Variants in CNTNAP2 observed in about 807,000 individuals in gnomAD.
CNTNAP2 encodes contactin associated protein 2.
In CNTNAP2, 98 loss-of-function variants were observed where a neutral mutation model predicts 155.2. The observed-to-expected ratio is 0.63, with a 90% CI of 0.54 to 0.75. The LOEUF is 0.75. Among genes scored for constraint, CNTNAP2 ranks in the 30% least tolerant of loss-of-function variants. The pLI is 0.00. For missense variants in CNTNAP2, 1,727 were observed against 1,688.1 expected (o/e 1.02, Z -0.40); for synonymous variants, 651 against 631.2 (o/e 1.03, Z -0.47).
intron 13 of CNTNAP2, among the ~76,000 whole-genome samples, chr7:147,863,721 A>G (rs1799174426): frequency 6.6e-6 from 1 of 151,734 alleles, no homozygotes. Context: ...GGCTGCAGAA[A>G]TATCTTGTTT....
At chr7:146,491,497 A>G (rs1286771593) in intron 1 of CNTNAP2, among the ~76,000 whole-genome samples, 1 of 151,990 alleles carries the variant, frequency 6.6e-6, no homozygotes. Flanking sequence ...GCGTTTTGGA[A>G]TTATTATCTG....
At chr7:147,387,537 C>T (rs1252986248) in intron 9 of CNTNAP2, among the ~76,000 whole-genome samples, 4 of 152,098 alleles carry the variant, frequency 2.6e-5, no homozygotes, top group Non-Finnish European at 5.9e-5. Flanking sequence ...TGCCTGGTTT[C>T]TCCAATGTAA....
At chr7:146,370,160 C>T (rs2129102570) in intron 1 of CNTNAP2, among the ~76,000 whole-genome samples, 2 of 147,564 alleles carry the variant, frequency 1.4e-5, no homozygotes, top group South Asian at 4.2e-4. Flanking sequence ...TGGCTTACGA[C>T]TGTAATCCCA....
intron 1 of CNTNAP2, among the ~76,000 whole-genome samples, chr7:146,486,928 C>T (rs899616455): frequency 6.6e-6 from 1 of 152,178 alleles, no homozygotes; most frequent in African/African-American, 2.4e-5. Context: ...TCTTTTCCAG[C>T]TGTACTGTAA....
intron 1 of CNTNAP2, among the ~76,000 whole-genome samples, chr7:146,330,822 A>G (rs1801172730): frequency 6.6e-6 from 1 of 152,206 alleles, no homozygotes; most frequent in Non-Finnish European, 1.5e-5. Context: ...TATTGGCAGT[A>G]TGTGCTAGTA....
At chr7:146,756,383 CATT>C (rs796365296) in intron 1 of CNTNAP2, among the ~76,000 whole-genome samples, 27 of 152,084 alleles carry the variant, frequency 1.8e-4, no homozygotes, top group African/African-American at 6.3e-4. Flanking sequence ...TGCTTGATAA[CATT>C]ATCTTCTGGG....
chr7:146,748,237 C>T (rs1357342082), intron 1 of CNTNAP2, among the ~76,000 whole-genome samples: 2 of 147,884 alleles, frequency 1.4e-5, no homozygotes, highest in Non-Finnish European at 1.5e-5. Context: ...GCTCTGCTTC[C>T]CGGGTTCACG....
At position 146,857,733 on chromosome 7, in the gene CNTNAP2, A is replaced by C. The variant is rs535578663; in HGVS notation, c.402+17829A>C. On this transcript the variant is annotated intron_variant, in intron 3 of 23. Transcript: ENST00000361727. Reference sequence around the variant, plus strand: ...TGGAATATAAGAAAAAAGACACACCAATCTATCAATAGACAGTGTTATCTA... The same window carrying C: ...TGGAATATAAGAAAAAAGACACACCCATCTATCAATAGACAGTGTTATCTA... Among the ~76,000 whole-genome samples the C allele has an allele frequency of 2.4e-4, 36 of 152,308 alleles. No individual in the cohort carries two copies. The South Asian group carries it at 7.5e-3, about 32-fold the overall frequency.
At chr7:148,283,587 G>A (rs2116466916) in intron 21 of CNTNAP2, among the ~76,000 whole-genome samples, 1 of 152,210 alleles carries the variant, frequency 6.6e-6, no homozygotes, top group South Asian at 2.1e-4. Context: ...TGATGCCCTT[G>A]CCTTCTAGTT....
intron 1 of CNTNAP2, among the ~76,000 whole-genome samples, chr7:146,756,238 GA>G (rs1021060233): frequency 6.3e-4 from 96 of 151,638 alleles, no homozygotes; most frequent in African/African-American, 1.4e-3. Flanking sequence ...ATAAAAACAT[GA>G]AAAAAAATCA....
chr7:148,118,408 C>G (rs1423704904), intron 16 of CNTNAP2, 120 bp downstream of exon 16: 9 of 1,127,146 alleles, frequency 8.0e-6, no homozygotes, highest in Admixed American at 2.0e-5. Flanking sequence ...GTTCCAGGAG[C>G]AGGACTAGAG....
At chr7:147,277,042 G>A (rs1474980185) in intron 8 of CNTNAP2, among the ~76,000 whole-genome samples, 3 of 151,956 alleles carry the variant, frequency 2.0e-5, no homozygotes, top group Non-Finnish European at 4.4e-5. Context: ...TAAAATCCAA[G>A]TGCTGCGTTA....
At chr7:147,569,385 C>A (rs1204474405) in intron 12 of CNTNAP2, among the ~76,000 whole-genome samples, 1 of 152,044 alleles carries the variant, frequency 6.6e-6, no homozygotes, top group African/African-American at 2.4e-5. Context: ...GTCCACAAAG[C>A]AAAACAGTTT....
intron 20 of CNTNAP2, among the ~76,000 whole-genome samples, chr7:148,238,666 C>A (rs1337964009): frequency 6.6e-6 from 1 of 152,148 alleles, no homozygotes; most frequent in East Asian, 1.9e-4. Flanking sequence ...CAAGGTCCAA[C>A]GTTAAGGCTA....
At chr7:146,299,725 C>G (rs1341186688) in intron 1 of CNTNAP2, among the ~76,000 whole-genome samples, 1 of 151,992 alleles carries the variant, frequency 6.6e-6, no homozygotes, top group East Asian at 1.9e-4. Context: ...CTAGTATATT[C>G]CGCAATTATG....
intron 1 of CNTNAP2, among the ~76,000 whole-genome samples, chr7:146,473,519 A>G (rs1167124631): frequency 6.6e-6 from 1 of 152,020 alleles, no homozygotes; most frequent in Non-Finnish European, 1.5e-5. Flanking sequence ...TTTGAGTTGA[A>G]TTTGATCTAA....
At chr7:148,068,956 T>C (rs1803322894) in intron 15 of CNTNAP2, among the ~76,000 whole-genome samples, 1 of 152,204 alleles carries the variant, frequency 6.6e-6, no homozygotes, top group South Asian at 2.1e-4. Flanking sequence ...CTGAAGACCC[T>C]AGACTACCAA....
At chr7:146,592,116 A>T (rs1017629390) in intron 1 of CNTNAP2, among the ~76,000 whole-genome samples, 6 of 152,168 alleles carry the variant, frequency 3.9e-5, no homozygotes, top group Admixed American at 3.9e-4. Flanking sequence ...GCTGTCATGA[A>T]ACCTGGATGG....
At chr7:148,296,440 G>C (rs574745055) in intron 21 of CNTNAP2, among the ~76,000 whole-genome samples, 1 of 150,546 alleles carries the variant, frequency 6.6e-6, no homozygotes, top group Admixed American at 6.7e-5. Context: ...CCAGCTACTC[G>C]GGAGGCTGAG....
Sources: allele counts gnomAD v4.1 joint callset (sites outside exome capture counted in the v4.1 genomes callset), GRCh38; gene constraint gnomAD v4.1.1; transcripts MANE v1.5; gene names NCBI Gene and HGNC (gene_info 2026-07-23, HGNC 2026-07-21).